Variants in RGS6 observed in about 807,000 individuals in gnomAD.
RGS6 encodes the protein regulator of G protein signaling 6, also known as regulator of G-protein signaling 6.
RGS6 carries 30 observed loss-of-function variants against 78.5 expected under a neutral mutation model. That is an observed-to-expected ratio of 0.38 (90% CI 0.29 to 0.52). RGS6 has a LOEUF of 0.52. Ranked by LOEUF, RGS6 falls within the 20% of genes least tolerant of loss-of-function variation. The pLI is 0.85. For missense variants in RGS6, 495 were observed against 609.7 expected (o/e 0.81, Z 1.98); for synonymous variants, 206 against 206.0 (o/e 1.00, Z 0.00).
At chr14:71,928,619 C>A (rs2152920383), upstream of RGS6, among the ~76,000 whole-genome samples, 1 of 152,314 alleles carries the variant, frequency 6.6e-6, no homozygotes, top group Middle Eastern at 3.4e-3. Flanking sequence ...CAATTTATCA[C>A]CCGTTTTGAG....
chr14:71,908,893 A>G, the RGS6 span, among the ~76,000 whole-genome samples: 1 of 152,182 alleles, frequency 6.6e-6, no homozygotes, highest in Non-Finnish European at 1.5e-5. Context: ...TGGTCTGAAA[A>G]TAACCACATT....
chr14:72,508,210 A>G (rs1334379821), intron 13 of RGS6, among the ~76,000 whole-genome samples: 1 of 152,116 alleles, frequency 6.6e-6, no homozygotes, highest in Non-Finnish European at 1.5e-5. Flanking sequence ...CTCATGATCT[A>G]TTGGTCATCA....
At chr14:72,035,304 TATA>T (rs10595814) in intron 2 of RGS6, among the ~76,000 whole-genome samples, 124,743 of 151,844 alleles carry the variant, frequency 0.82, 51,361 homozygotes, top group South Asian at 0.89. Flanking sequence ...AGCAATATAT[TATA>T]ATCCTTTTTA....
chr14:72,257,545 A>G (rs184555179), intron 2 of RGS6, among the ~76,000 whole-genome samples: 88 of 152,312 alleles, frequency 5.8e-4, no homozygotes, highest in Non-Finnish European at 8.7e-4. Context: ...ATTGGGTACA[A>G]TGTTCACTAT....
intron 3 of RGS6, among the ~76,000 whole-genome samples, chr14:72,431,042 A>G (rs1005166138): frequency 6.6e-6 from 1 of 152,212 alleles, no homozygotes; most frequent in Non-Finnish European, 1.5e-5. Context: ...AATAATGGGT[A>G]TGCAAGTGTT....
intron 1 of RGS6, among the ~76,000 whole-genome samples, chr14:71,955,478 G>C (rs1400711393): frequency 6.6e-6 from 1 of 152,198 alleles, no homozygotes; most frequent in African/African-American, 2.4e-5. Context: ...CTACTCCATA[G>C]ATAGAGCAGC....
chr14:72,518,786 C>T (rs2096988234), intron 15 of RGS6, among the ~76,000 whole-genome samples: 2 of 152,168 alleles, frequency 1.3e-5, no homozygotes, highest in African/African-American at 4.8e-5. Context: ...AGGAAAGCCT[C>T]AAAGTGTTTT....
intron 2 of RGS6, among the ~76,000 whole-genome samples, chr14:72,224,882 G>C (rs1049193149): frequency 6.6e-6 from 1 of 152,154 alleles, no homozygotes; most frequent in African/African-American, 2.4e-5. Context: ...GCAGGGAAAG[G>C]CCATGGTTTG....
At chr14:72,436,686 A>G (rs535656648) in intron 3 of RGS6, among the ~76,000 whole-genome samples, 5 of 152,342 alleles carry the variant, frequency 3.3e-5, no homozygotes, top group African/African-American at 1.2e-4. Context: ...GAAATAGCAA[A>G]TAGCAAGGTA....
At chr14:72,437,393 AAGCACCTAC>A (rs1566845354) in intron 3 of RGS6, among the ~76,000 whole-genome samples, 1 of 151,144 alleles carries the variant, frequency 6.6e-6, no homozygotes, top group Non-Finnish European at 1.5e-5. Flanking sequence ...TAGATTCTGT[AAGCACCTAC>A]AGCAGCTATC....
chr14:71,919,063 A>C, the RGS6 span, among the ~76,000 whole-genome samples: 1 of 152,126 alleles, frequency 6.6e-6, no homozygotes, highest in Non-Finnish European at 1.5e-5. Context: ...GTAAACAGAA[A>C]AGAGAAAAGA....
chr14:72,269,947 A>C lies in RGS6; in HGVS notation c.85-82148A>C, dbSNP rs774875184. Among the ~76,000 whole-genome samples the C allele has an allele frequency of 4.1e-4, 63 of 152,214 alleles. 1 individual carries two copies. The highest frequency in any genetic ancestry group is 7.1e-4 in the Non-Finnish European group (48 of 68,050). On this transcript the variant is annotated intron_variant, in intron 2 of 17. Coordinates refer to ENST00000553525, the MANE Select transcript of RGS6 (RefSeq NM_001204424.2). ...CCAGGAAATTAGAGGATAAAAAGTT[A>C]AAAATAGCATATATGTCCTGCCCTC...
chr14:71,980,130 C>G (rs1353577647), intron 2 of RGS6, among the ~76,000 whole-genome samples: 1 of 125,428 alleles, frequency 8.0e-6, no homozygotes, highest in Admixed American at 8.5e-5. Flanking sequence ...CTTCCTCCAT[C>G]CTTTTATTTT....
At chr14:72,487,901 G>A (rs55872112) in intron 12 of RGS6, among the ~76,000 whole-genome samples, 22,086 of 151,986 alleles carry the variant, frequency 0.15, 1,666 homozygotes, top group Admixed American at 0.19. Flanking sequence ...GAATCTGAAG[G>A]CCAAATTGTT....
chr14:72,093,822 C>A (rs2023494), intron 2 of RGS6, among the ~76,000 whole-genome samples: 1 of 151,712 alleles, frequency 6.6e-6, no homozygotes, highest in African/African-American at 2.4e-5. Flanking sequence ...TTTGGGGTTT[C>A]AAATTTTATC....
chr14:72,405,023 G>A (rs1209577764), intron 3 of RGS6, among the ~76,000 whole-genome samples: 1 of 152,186 alleles, frequency 6.6e-6, no homozygotes, highest in East Asian at 1.9e-4. Flanking sequence ...GGGCAGAGCT[G>A]AATGAGACAA....
intron 1 of RGS6, among the ~76,000 whole-genome samples, chr14:71,934,293 CTA>C (rs571766669): frequency 5.4e-4 from 82 of 152,264 alleles, no homozygotes; most frequent in African/African-American, 1.9e-3. Flanking sequence ...GCACCATAAA[CTA>C]TATATATGTA....
chr14:72,294,788 T>TG (rs1183686602), intron 2 of RGS6, among the ~76,000 whole-genome samples: 2 of 151,910 alleles, frequency 1.3e-5, no homozygotes, highest in Non-Finnish European at 2.9e-5. Context: ...ACCAAAGGGG[T>TG]GGTGCTAAAC....
At chr14:72,602,882 T>C in the RGS6 span, among the ~76,000 whole-genome samples, 2 of 152,200 alleles carry the variant, frequency 1.3e-5, no homozygotes, top group Admixed American at 6.5e-5. Context: ...AAGGCAGTCC[T>C]TGATTCTAGT....
Sources: gnomAD v4.1 joint callset for allele counts (sites outside exome capture counted in the v4.1 genomes callset) on GRCh38, gnomAD v4.1.1 for gene constraint, MANE v1.5 for transcripts, NCBI Gene and HGNC (gene_info 2026-07-23, HGNC 2026-07-21) for gene names.